The following PREX2 variants were observed in gnomAD, a reference collection of about 807,000 sequenced individuals.
PREX2 encodes phosphatidylinositol-3,4,5-trisphosphate dependent Rac exchange factor 2.
A neutral mutation model predicts 203.2 loss-of-function variants in PREX2; 107 were observed. The ratio of observed to expected loss-of-function variants is 0.53; its 90% confidence interval spans 0.45 to 0.62. The LOEUF is 0.62. Ranked by LOEUF, PREX2 falls within the 20% of genes least tolerant of loss-of-function variation. PREX2 has a pLI of 0.00. For missense variants in PREX2, 1,777 were observed against 1,955.9 expected, an observed-to-expected ratio of 0.91 and a Z score of 1.72; for synonymous variants, 672 against 663.6, an observed-to-expected ratio of 1.01 and a Z score of -0.19.
At chr8:68,044,663 C>A in intron 8 of PREX2, 73 bp downstream of exon 8, 1 of 1,055,136 alleles carries the variant, frequency 9.5e-7, no homozygotes, top group Non-Finnish European at 1.5e-6. Context: ...AGATTTCTCA[C>A]TTGGATAATT....
intron 31 of PREX2, among the ~76,000 whole-genome samples, chr8:68,130,114 C>CA (rs71253064): frequency 0.16 from 16,562 of 102,516 alleles, 1,390 homozygotes; most frequent in African/African-American, 0.24. Context: ...CCTGCCTCTG[C>CA]AAAAAAAAAA....
In PREX2 at chr8:68,069,230, T is replaced by C. The variant is rs1029231578; in HGVS notation, c.1443+94T>C. The C allele has an allele frequency of 1.5e-5, 10 of 673,828 alleles. No homozygotes were observed. The South Asian group carries it at 1.9e-4, about 13-fold the overall frequency. The allele number at this position is 673,828 out of a possible 1,614,324, so 41.7% of individuals were successfully genotyped here. ...AGTTGAGAAACATAAAAGATTTTTC[T>C]AGTTTAGAAAATTCTTCGACTATAT... On this transcript the variant is annotated intron_variant, in intron 12 of 39. Coordinates refer to ENST00000288368, the MANE Select transcript of PREX2 (RefSeq NM_024870.4).
At chr8:67,978,644 A>G (rs1423496995) in intron 1 of PREX2, among the ~76,000 whole-genome samples, 1 of 152,070 alleles carries the variant, frequency 6.6e-6, no homozygotes, top group Non-Finnish European at 1.5e-5. Context: ...GTTGTCGACT[A>G]TTGTGGATAG....
At chr8:68,055,718 C>A in intron 9 of PREX2, 112 bp from the exon 10 acceptor site, 1 of 992,172 alleles carries the variant, frequency 1.0e-6, no homozygotes, top group Non-Finnish European at 1.5e-6. Flanking sequence ...TCTGTATCCA[C>A]AACCCCCAGC....
intron 37 of PREX2, among the ~76,000 whole-genome samples, chr8:68,196,122 G>A (rs994135213): frequency 6.6e-6 from 1 of 151,964 alleles, no homozygotes; most frequent in Non-Finnish European, 1.5e-5. Flanking sequence ...TGAATGACAA[G>A]TCTCCTGAGG....
At chr8:68,041,306 G>A (rs1035328735) in intron 7 of PREX2, among the ~76,000 whole-genome samples, 11 of 152,228 alleles carry the variant, frequency 7.2e-5, no homozygotes, top group South Asian at 6.2e-4. Flanking sequence ...GTTATTCTTC[G>A]TCTCTTATAA....
Position 68,038,252 on chromosome 8 carries a change from C to T in PREX2, c.799C>T (p.Leu267Phe), listed in dbSNP as rs138740482. ...AAATATTCAAGAACGGGTGTTTTTT[C>T]TTTTCGATAATCTTTTGGTGTACTG... ...SGNIQERVFF[L>F]FDNLLVYCKR... Residue 267 changes from leucine (L) to phenylalanine (F), a missense_variant, in exon 7 of 40, where the codon CTT becomes TTT. By Grantham distance (22) the Leu-to-Phe change is conservative. Transcript: ENST00000288368. 1 of 1,613,642 alleles carries T rather than the reference C, an allele frequency of 6.2e-7. No individual in the cohort carries two copies. The highest frequency in any genetic ancestry group is 1.3e-5 in the African/African-American group (1 of 74,888).
intron 35 of PREX2, 122 bp from the exon 36 acceptor site, chr8:68,191,600 A>C: frequency 1.5e-6 from 1 of 675,976 alleles, no homozygotes; most frequent in South Asian, 2.0e-5. Context: ...CAACCTTCTA[A>C]TGTTCAATGC....
chr8:68,164,349 A>G (rs991548999), intron 35 of PREX2, among the ~76,000 whole-genome samples: 2 of 126,932 alleles, frequency 1.6e-5, no homozygotes, highest in African/African-American at 6.0e-5. Flanking sequence ...CTTAATATGT[A>G]TTATATATAT....
rs5892137 is a variant in PREX2, at chr8:68,115,021, CTTTTTTTTTTTTTTTTT to C, written c.3147-725_3147-709del. ...TTCTTTTCTTTCTTTTCTTTTCTTT[CTTTTTTTTTTTTTTTTT>C]TTTTTTGAGTTGGAGTTTCGCTCTT... On this transcript the variant is annotated intron_variant, in intron 25 of 39. Transcript: ENST00000288368. 5.8e-5 allele frequency among the ~76,000 whole-genome samples: 5 copies of C among 86,848 alleles called. No homozygotes were observed. In the East Asian group the frequency reaches 1.9e-3, roughly 32 times the overall value. 57.0% of individuals were successfully genotyped at this position (86,848 alleles called of 152,430 possible).
chr8:68,231,282 T>G, intron 39 of PREX2, 51 bp from the exon 40 acceptor site: 1 of 1,386,658 alleles, frequency 7.2e-7, no homozygotes. Flanking sequence ...AGACACCTCA[T>G]GTAATGGTAA....
intron 30 of PREX2, among the ~76,000 whole-genome samples, chr8:68,121,844 T>C (rs1810780710): frequency 6.6e-6 from 1 of 152,178 alleles, no homozygotes; most frequent in Non-Finnish European, 1.5e-5. Flanking sequence ...CTAGAATGTA[T>C]GAGACAGTTC....
intron 20 of PREX2, among the ~76,000 whole-genome samples, chr8:68,092,558 T>C (rs1391808202): frequency 6.6e-6 from 1 of 152,120 alleles, no homozygotes; most frequent in Non-Finnish European, 1.5e-5. Flanking sequence ...AGACTGGAAC[T>C]GCTGTTAAAA....
At chr8:68,027,742 C>A (rs1285369781) in intron 5 of PREX2, among the ~76,000 whole-genome samples, 1 of 151,938 alleles carries the variant, frequency 6.6e-6, no homozygotes, top group Non-Finnish European at 1.5e-5. Flanking sequence ...TATATAATTG[C>A]ATAACTAGGA....
chr8:68,025,193 C>CT (rs749467612), intron 4 of PREX2, among the ~76,000 whole-genome samples: 16 of 150,922 alleles, frequency 1.1e-4, no homozygotes, highest in African/African-American at 1.9e-4. Context: ...TTTGCTCAGT[C>CT]TTTTTTTTTA....
At chr8:68,073,127 C>G (rs1809248327) in intron 14 of PREX2, among the ~76,000 whole-genome samples, 1 of 151,484 alleles carries the variant, frequency 6.6e-6, no homozygotes, top group Non-Finnish European at 1.5e-5. Context: ...TTAGGGCATC[C>G]TTTCCATCAT....
intron 29 of PREX2, among the ~76,000 whole-genome samples, chr8:68,120,613 G>A (rs1396326546): frequency 6.6e-6 from 1 of 152,136 alleles, no homozygotes; most frequent in Admixed American, 6.5e-5. Flanking sequence ...TTTCCCAGTG[G>A]TGAGGAAAGG....
At chr8:68,060,534 G>GA (rs1808817693) in intron 10 of PREX2, 145 bp from the exon 11 acceptor site, 2 of 607,970 alleles carry the variant, frequency 3.3e-6, no homozygotes, top group Admixed American at 3.3e-5. Context: ...TTACATATGT[G>GA]AAAAAATAAT....
At chr8:68,230,298 T>C (rs376951576) in intron 39 of PREX2, among the ~76,000 whole-genome samples, 1 of 152,156 alleles carries the variant, frequency 6.6e-6, no homozygotes, top group Non-Finnish European at 1.5e-5. Context: ...GTAAAAGGGA[T>C]TGAATCACCA....
Sources: allele counts gnomAD v4.1 joint callset (sites outside exome capture counted in the v4.1 genomes callset), GRCh38; gene constraint gnomAD v4.1.1; transcripts MANE v1.5; gene names NCBI Gene and HGNC (gene_info 2026-07-23, HGNC 2026-07-21).